NKD1: variants seen among roughly 807,000 people sequenced by gnomAD.
The protein encoded by NKD1 is protein naked cuticle homolog 1.
Under a neutral mutation model 56.0 loss-of-function variants are expected in NKD1, and 21 were observed. That is an observed-to-expected ratio of 0.38 (90% CI 0.27 to 0.54). NKD1 has a LOEUF of 0.54. Among genes scored for constraint, NKD1 ranks in the 20% least tolerant of loss-of-function variants. The pLI is 0.82. For missense variants in NKD1, 578 were observed against 642.7 expected (o/e 0.90, Z 1.09); for synonymous variants, 263 against 265.7 (o/e 0.99, Z 0.10).
At chr16:50,594,059 G>A (rs1348754723) in intron 3 of NKD1, among the ~76,000 whole-genome samples, 1 of 150,048 alleles carries the variant, frequency 6.7e-6, no homozygotes, top group Non-Finnish European at 1.5e-5. Flanking sequence ...CGCGCTGGCT[G>A]AATGAGAGAG....
intron 3 of NKD1, chr16:50,551,702 T>A (rs1960388862): frequency 6.6e-6 from 1 of 152,056 alleles, no homozygotes; most frequent in Admixed American, 6.5e-5. Flanking sequence ...GGGGGAACAT[T>A]TTAAATCTTA....
Position 50,548,511 on chromosome 16 carries a change from GGGCGCA to G in NKD1, c.-42_-37del. ...AAGGGAGGCGCCAGGCCCGCGGGCC[GGGCGCA>G]TGGCTTAGGGACGCTCCCGGCCGCC... On this transcript the variant is annotated 5_prime_UTR_variant, in exon 1 of 10. The change abolishes an upstream ATG in the 5' untranslated region. Coordinates refer to ENST00000268459, the MANE Select transcript of NKD1 (RefSeq NM_033119.5). 1 of 1,415,276 alleles carries G rather than the reference GGGCGCA, an allele frequency of 7.1e-7. No homozygotes were observed. The highest frequency in any genetic ancestry group is 3.2e-5 in the East Asian group (1 of 31,206). The allele number at this position is 1,415,276 out of a possible 1,614,324, so 87.7% of individuals were successfully genotyped here. A position where few individuals can be genotyped will look rare whatever the true frequency, so the allele number is the denominator to read the frequency against.
intron 3 of NKD1, among the ~76,000 whole-genome samples, chr16:50,568,372 A>G (rs1398318255): frequency 6.6e-6 from 1 of 152,232 alleles, no homozygotes; most frequent in Non-Finnish European, 1.5e-5. Context: ...CCAGCTGGAG[A>G]CACAGGAAGT....
chr16:50,620,364 C>A (rs1288986323), intron 4 of NKD1, among the ~76,000 whole-genome samples: 1 of 152,166 alleles, frequency 6.6e-6, no homozygotes, highest in East Asian at 1.9e-4. Flanking sequence ...AGACACAAAT[C>A]CCCCATCTAG....
Position 50,633,542 on chromosome 16 carries a change from C to G in NKD1, c.1174C>G (p.Pro392Ala). 2 of 1,611,158 alleles carry G rather than the reference C, an allele frequency of 1.2e-6. No individual in the cohort carries two copies. The highest frequency in any genetic ancestry group is 1.7e-6 in the Non-Finnish European group (2 of 1,179,284). Residue 392 changes from proline to alanine, a missense_variant, in exon 10 of 10, where the codon CCC becomes GCC. Pro to Ala is a conservative substitution (Grantham distance 27). Coordinates refer to ENST00000268459, the MANE Select transcript of NKD1 (RefSeq NM_033119.5). This position sits in a 1 kb window ranked among gnomAD's most constrained non-coding sequence, Gnocchi z 4.9. Reference sequence around the variant, plus strand: ...CCTGGCTGCCAGCCCGGCCCTCCTCCCCTCCCTAGCCCCCCTCGGGCACAA... The same window carrying G: ...CCTGGCTGCCAGCCCGGCCCTCCTCGCCTCCCTAGCCCCCCTCGGGCACAA... ...AHLAASPALL[P>A]SLAPLGHKKH...
chr16:50,569,154 C>T (rs996118722), intron 3 of NKD1, among the ~76,000 whole-genome samples: 3 of 152,184 alleles, frequency 2.0e-5, no homozygotes, highest in African/African-American at 7.2e-5. Context: ...AGTCAGATTC[C>T]GCTGACATTA....
intron 3 of NKD1, chr16:50,555,343 T>G (rs1365873538): frequency 1.3e-5 from 2 of 152,506 alleles, no homozygotes; most frequent in Admixed American, 6.5e-5. Context: ...TTGGTGGCTC[T>G]TGGCACATCT....
Position 50,630,818 on chromosome 16 carries a change from G to C in NKD1, c.611-8G>C. 6.3e-7 allele frequency: 1 copy of C among 1,588,410 alleles called. No homozygotes were observed. Among genetic ancestry groups the C allele is most frequent in the Admixed American group, 1.8e-5 (1 of 56,650 alleles). ...TGGTGTCTCCTGTGCTTCTCGGGCC[G>C]GACTCAGACCTGCAGAGCGCAAGGC... On this transcript the variant is annotated splice_polypyrimidine_tract_variant and splice_region_variant and intron_variant, in intron 7 of 9. Transcript: ENST00000268459.
At chr16:50,574,350 G>C in intron 3 of NKD1, 1 of 985,390 alleles carries the variant, frequency 1.0e-6, no homozygotes, top group Non-Finnish European at 1.2e-6. Flanking sequence ...GGGAGGGCCT[G>C]TTTAGTTTGG....
At chr16:50,630,127 G>A (rs949050034) in intron 6 of NKD1, 59 bp from the exon 7 acceptor site, 3 of 1,550,112 alleles carry the variant, frequency 1.9e-6, no homozygotes, top group Non-Finnish European at 2.7e-6. Flanking sequence ...CCTCTGGTTT[G>A]TATTTTCAAG....
rs145768275 is a variant in NKD1 at position 50,619,907 on chromosome 16, C to T, written c.260-1695C>T. Reference sequence around the variant, plus strand: ...AGGCTGAGAGAAGCACCAAGTCTCCCGAATTGAGCCATGAAAGGCATGGAG... The same window carrying T: ...AGGCTGAGAGAAGCACCAAGTCTCCTGAATTGAGCCATGAAAGGCATGGAG... On this transcript the variant is annotated intron_variant, in intron 4 of 9. Coordinates refer to ENST00000268459, the MANE Select transcript of NKD1 (RefSeq NM_033119.5). Among the ~76,000 whole-genome samples, 238 of 152,294 alleles carry T rather than the reference C, an allele frequency of 1.6e-3. 3 individuals are homozygous for T. The highest frequency in any genetic ancestry group is 6.8e-3 in the Middle Eastern group (2 of 294).
At chr16:50,629,418 G>T (rs1054828413) in intron 6 of NKD1, among the ~76,000 whole-genome samples, 3 of 152,222 alleles carry the variant, frequency 2.0e-5, no homozygotes, top group African/African-American at 7.2e-5. Context: ...TTAGCCCATA[G>T]CAGGGACACA....
At chr16:50,566,257 G>A (rs923870902) in intron 3 of NKD1, 2 of 814,256 alleles carry the variant, frequency 2.5e-6, no homozygotes, top group Non-Finnish European at 3.0e-6. Context: ...GTTACAGCTG[G>A]ATCCACCAGC....
chr16:50,548,670 G>C, intron 1 of NKD1, 47 bp from the exon 2 acceptor site: 2 of 1,460,974 alleles, frequency 1.4e-6, no homozygotes, highest in Non-Finnish European at 1.8e-6. Context: ...TCCTTCTCCC[G>C]CCGCCGCGGC....
chr16:50,632,300 C>T lies in NKD1; in HGVS notation c.715C>T (p.Leu239=), dbSNP rs1163603402. The stretch of plus-strand genomic sequence containing the variant: ...CCGTAGGTTCCAGGGTGACAGCCGC[C>T]TGGAGCAGTCTGGCTGCTACCACCA... ...APLRFQGDSR[L]EQSGCYHHCV... is the part of the protein sequence containing the mutation. The change falls in exon 9 of 10, where the codon CTG becomes TTG. Residue 239 remains leucine (L), a synonymous_variant. Coordinates refer to ENST00000268459, the MANE Select transcript of NKD1 (RefSeq NM_033119.5). The surrounding 1 kb of genome is among the most constrained non-coding windows in gnomAD (Gnocchi z 4.1). The T allele has an allele frequency of 1.9e-6, 3 of 1,614,130 alleles. No homozygotes were observed. The South Asian group carries it at 3.3e-5, about 18-fold the overall frequency.
intron 3 of NKD1, among the ~76,000 whole-genome samples, chr16:50,589,822 C>A (rs1183090614): frequency 9.9e-6 from 1 of 101,336 alleles, no homozygotes; most frequent in Non-Finnish European, 1.9e-5. Context: ...CTCTCCTCTC[C>A]TCTCCTCTCT....
intron 3 of NKD1, among the ~76,000 whole-genome samples, chr16:50,560,229 A>G (rs1960593224): frequency 2.6e-5 from 4 of 152,344 alleles, no homozygotes; most frequent in Middle Eastern, 3.4e-3. Context: ...GAAAGTCCAA[A>G]GGCACCCACT....
chr16:50,589,776 C>T lies in NKD1; in HGVS notation c.193-18518C>T, dbSNP rs1016964270. ...TCTCTTCTCTTCTCTCCTCTCCTCT[C>T]CTCTCCTCTCCTCTCCTCTCCTCTC... On this transcript the variant is annotated intron_variant, in intron 3 of 9. Transcript: ENST00000268459. Among the ~76,000 whole-genome samples, 164 of 91,956 alleles carry T rather than the reference C, an allele frequency of 1.8e-3. 10 individuals carry two copies. Among genetic ancestry groups the T allele is most frequent in the African/African-American group, 5.5e-3 (117 of 21,142 alleles). The allele number at this position is 91,956 out of a possible 152,430, so 60.3% of individuals were successfully genotyped here.
intron 3 of NKD1, chr16:50,558,455 A>G (rs1308871709): frequency 6.6e-6 from 1 of 152,310 alleles, no homozygotes; most frequent in African/African-American, 2.4e-5. Context: ...AATTAGAGTC[A>G]CTAGCCCAGC....
Sources: allele counts gnomAD v4.1 joint callset (sites outside exome capture counted in the v4.1 genomes callset), GRCh38; gene constraint gnomAD v4.1.1; non-coding constraint Gnocchi (gnomAD v3.1); transcripts MANE v1.5; gene names NCBI Gene and HGNC (gene_info 2026-07-23, HGNC 2026-07-21).